TRHDE: variants seen among roughly 807,000 people sequenced by gnomAD.
TRHDE encodes the protein thyrotropin-releasing hormone-degrading ectoenzyme.
TRHDE carries 72 observed loss-of-function variants against 125.7 expected under a neutral mutation model. The ratio of observed to expected loss-of-function variants is 0.57; its 90% CI spans 0.47 to 0.70. TRHDE has a LOEUF of 0.70. Among genes scored for constraint, TRHDE ranks in the 30% least tolerant of loss-of-function variants. The pLI, the probability that TRHDE is intolerant of heterozygous loss-of-function variation, is 0.00. For synonymous variants in TRHDE, 509 were observed against 509.1 expected (o/e 1.00, Z 0.00); for missense variants, 1,110 against 1,327.1 (o/e 0.84, Z 2.54).
At chr12:72,173,826 TA>T (rs1876930868) in intron 2 of TRHDE, among the ~76,000 whole-genome samples, 1 of 152,156 alleles carries the variant, frequency 6.6e-6, no homozygotes, top group Non-Finnish European at 1.5e-5. Flanking sequence ...GAACTGTTTT[TA>T]AGTTGCAGAC....
intron 7 of TRHDE, among the ~76,000 whole-genome samples, chr12:72,551,876 A>G (rs1869692837): frequency 6.6e-6 from 1 of 152,108 alleles, no homozygotes; most frequent in Admixed American, 6.6e-5. Flanking sequence ...TGTTTAGGGA[A>G]TCCTTCTTGA....
intron 2 of TRHDE, among the ~76,000 whole-genome samples, chr12:72,134,941 A>G (rs1177147549): frequency 6.6e-6 from 1 of 152,158 alleles, no homozygotes; most frequent in Non-Finnish European, 1.5e-5. Flanking sequence ...AAATGGTAAT[A>G]TGTCATTTGA....
chr12:72,160,421 A>G (rs754597456), intron 2 of TRHDE, among the ~76,000 whole-genome samples: 1 of 152,194 alleles, frequency 6.6e-6, no homozygotes, highest in Admixed American at 6.5e-5. Context: ...ATGGTGGCTC[A>G]TATCTGAAAT....
At chr12:72,346,142 C>T (rs893817491) in intron 2 of TRHDE, among the ~76,000 whole-genome samples, 26 of 151,996 alleles carry the variant, frequency 1.7e-4, no homozygotes, top group Non-Finnish European at 2.9e-5. Context: ...TTCTCCACTG[C>T]TATTTTGGGG....
chr12:72,607,257 A>C (rs1319392369), intron 12 of TRHDE, among the ~76,000 whole-genome samples: 2 of 152,110 alleles, frequency 1.3e-5, no homozygotes, highest in Non-Finnish European at 2.9e-5. Flanking sequence ...TCGGTAACTG[A>C]ATCTAGAGGC....
intron 12 of TRHDE, among the ~76,000 whole-genome samples, chr12:72,581,498 C>T (rs1871224510): frequency 6.6e-6 from 1 of 152,154 alleles, no homozygotes; most frequent in Non-Finnish European, 1.5e-5. Flanking sequence ...TTGCCCTGGG[C>T]AGTTACTATG....
rs138718391 is a variant in TRHDE, at chr12:72,561,379, C to T, written c.1789-786C>T. Among the ~76,000 whole-genome samples the T allele has an allele frequency of 1.5e-3, 234 of 152,212 alleles. 1 individual carries two copies. Among genetic ancestry groups the T allele is most frequent in the East Asian group, 0.014 (71 of 5,190 alleles). ...TCAAATGAACGAGGAGGGACTTTTACAATATAACACTATTTTCATATTCAT... is the reference window on the plus strand; with the variant it reads ...TCAAATGAACGAGGAGGGACTTTTATAATATAACACTATTTTCATATTCAT... On this transcript the variant is annotated intron_variant, in intron 7 of 18. Transcript: ENST00000261180.
chr12:72,618,633 A>G (rs964915302), intron 12 of TRHDE, among the ~76,000 whole-genome samples: 2 of 152,170 alleles, frequency 1.3e-5, no homozygotes, highest in African/African-American at 2.4e-5. Flanking sequence ...CTTATGTTCC[A>G]TAATTCCTTA....
intron 2 of TRHDE, among the ~76,000 whole-genome samples, chr12:72,167,281 A>T (rs1297614009): frequency 1.3e-5 from 2 of 152,134 alleles, no homozygotes; most frequent in African/African-American, 2.4e-5. Flanking sequence ...ACCGTAGTTG[A>T]TATGGTTATA....
chr12:72,624,369 A>G (rs1171739625), intron 15 of TRHDE, among the ~76,000 whole-genome samples: 1 of 151,966 alleles, frequency 6.6e-6, no homozygotes, highest in Non-Finnish European at 1.5e-5. Context: ...AAAGAATACT[A>G]GAGGTAATGT....
At chr12:72,646,320 A>G (rs998613309) in intron 15 of TRHDE, among the ~76,000 whole-genome samples, 5 of 152,186 alleles carry the variant, frequency 3.3e-5, no homozygotes, top group Admixed American at 1.3e-4. Context: ...CAAGGTAAGC[A>G]CACTAATAAA....
intron 2 of TRHDE, among the ~76,000 whole-genome samples, chr12:72,328,088 C>A (rs1160629820): frequency 1.3e-5 from 2 of 152,156 alleles, no homozygotes; most frequent in South Asian, 2.1e-4. Context: ...TAGGTTTAAA[C>A]CATGTCAGGT....
At chr12:72,387,550 C>T (rs966016107) in intron 3 of TRHDE, among the ~76,000 whole-genome samples, 1 of 152,090 alleles carries the variant, frequency 6.6e-6, no homozygotes, top group African/African-American at 2.4e-5. Flanking sequence ...GTTGAATTTA[C>T]CTGGTGATTC....
chr12:72,426,904 T>G (rs1321366735), intron 3 of TRHDE, among the ~76,000 whole-genome samples: 3 of 152,098 alleles, frequency 2.0e-5, no homozygotes, highest in African/African-American at 7.2e-5. Context: ...TTTTTCTCCA[T>G]GAAAAGAAAA....
chr12:72,531,805 G>C (rs964312273), intron 6 of TRHDE, among the ~76,000 whole-genome samples: 5 of 151,968 alleles, frequency 3.3e-5, no homozygotes, highest in African/African-American at 1.2e-4. Context: ...GCAGTCCCTT[G>C]ATCTGGTCCC....
intron 2 of TRHDE, among the ~76,000 whole-genome samples, chr12:72,229,244 G>A (rs1443675236): frequency 6.6e-6 from 1 of 152,134 alleles, no homozygotes; most frequent in African/African-American, 2.4e-5. Context: ...GGGTGGGGAG[G>A]CCTCACAGTC....
At chr12:72,631,846 A>T (rs1156705854) in intron 15 of TRHDE, among the ~76,000 whole-genome samples, 1 of 151,960 alleles carries the variant, frequency 6.6e-6, no homozygotes, top group African/African-American at 2.4e-5. Flanking sequence ...AACTCAACAA[A>T]ATGGCAATAA....
intron 15 of TRHDE, among the ~76,000 whole-genome samples, chr12:72,644,283 G>C (rs1046166902): frequency 3.4e-4 from 52 of 152,248 alleles, no homozygotes; most frequent in African/African-American, 1.2e-3. Context: ...GCTTCTCCCA[G>C]GGGAGAAATG....
At position 72,350,714 on chromosome 12, in the gene TRHDE, T is replaced by C. The variant is rs1037570774; in HGVS notation, c.1189-27281T>C. The stretch of plus-strand genomic sequence containing the variant: ...GATAGAAAAAATAGGGGTACAGATA[T>C]ATTCTAAAGATTAAGACTGGGTGTG... On this transcript the variant is annotated intron_variant, in intron 2 of 18. Coordinates refer to ENST00000261180, the MANE Select transcript of TRHDE (RefSeq NM_013381.3). Among the ~76,000 whole-genome samples, 5 of 152,024 alleles carry C rather than the reference T, an allele frequency of 3.3e-5. No individual in the cohort carries two copies. The South Asian group carries it at 1.0e-3, about 31-fold the overall frequency.
Sources: allele counts gnomAD v4.1 joint callset (sites outside exome capture counted in the v4.1 genomes callset), GRCh38; gene constraint gnomAD v4.1.1; transcripts MANE v1.5; gene names NCBI Gene and HGNC (gene_info 2026-07-23, HGNC 2026-07-21).